Variants in PCP4 observed in about 807,000 individuals in gnomAD.
PCP4 encodes the protein calmodulin regulator protein PCP4.
In PCP4, 8 loss-of-function variants were observed where a neutral mutation model predicts 10.0. The ratio of observed to expected loss-of-function variants is 0.80; its 90% confidence interval spans 0.47 to 1.45. The LOEUF (loss-of-function observed/expected upper bound fraction) is 1.45, where lower values mean the gene tolerates loss of function less well. PCP4 is among the 40% of genes most tolerant of loss of function. PCP4 has a pLI of 0.00. For missense variants in PCP4, 54 were observed against 74.4 expected (o/e 0.73, Z 1.01); for synonymous variants, 21 against 23.0 (o/e 0.91, Z 0.24).
At chr21:39,907,910 A>G (rs991663078) in intron 2 of PCP4, among the ~76,000 whole-genome samples, 1 of 152,238 alleles carries the variant, frequency 6.6e-6, no homozygotes, top group African/African-American at 2.4e-5. Flanking sequence ...CTGAGAAGCA[A>G]GAAATGCAGG....
chr21:39,904,901 A>G lies in PCP4; in HGVS notation c.61+6374A>G, dbSNP rs569613690. On this transcript the variant is annotated intron_variant, in intron 2 of 2. Coordinates refer to ENST00000328619, the MANE Select transcript of PCP4 (RefSeq NM_006198.3). ...CCAAGATGAGCCTCTTTGAAAAGGA[A>G]CAGAGACAACTTTGAGTATCCAGCT... Among the ~76,000 whole-genome samples the G allele has an allele frequency of 2.6e-5, 4 of 152,340 alleles. No homozygotes were observed. In the South Asian group the frequency reaches 8.3e-4, roughly 32 times the overall value.
rs928704783 is a variant in PCP4 at position 39,904,716 on chromosome 21, C to T, written c.61+6189C>T. On this transcript the variant is annotated intron_variant, in intron 2 of 2. Coordinates refer to ENST00000328619, the MANE Select transcript of PCP4 (RefSeq NM_006198.3). ...GAGTTTGAGGATGGATCATGGTACA[C>T]GGAAGACAGAGCAGCCTGCGATTCA... 3.9e-5 allele frequency among the ~76,000 whole-genome samples: 6 copies of T among 152,294 alleles called. No individual in the cohort carries two copies. In the East Asian group the frequency reaches 9.6e-4, roughly 24 times the overall value.
At chr21:39,867,954 C>T (rs931541596) in intron 1 of PCP4, among the ~76,000 whole-genome samples, 1 of 152,172 alleles carries the variant, frequency 6.6e-6, no homozygotes, top group Non-Finnish European at 1.5e-5. Context: ...GGTGGCATTT[C>T]ATGGCTCAGT....
In PCP4 at chr21:39,898,540, G is replaced by T. The variant is rs774719967; in HGVS notation, c.61+13G>T. ...TCTGGTGAAAATGGTAAGAGGACAT[G>T]AATAGTCCAAGTTCTTTCTCTTTTG... is the stretch of plus-strand genomic sequence containing the variant. On this transcript the variant is annotated intron_variant, in intron 2 of 2. Transcript: ENST00000328619. The T allele has an allele frequency of 1.6e-5, 26 of 1,609,658 alleles. No individual in the cohort carries two copies. The Middle Eastern group carries it at 1.6e-3, about 102-fold the overall frequency.
At chr21:39,890,292 C>A (rs528260045) in intron 1 of PCP4, among the ~76,000 whole-genome samples, 6 of 152,150 alleles carry the variant, frequency 3.9e-5, no homozygotes, top group African/African-American at 1.4e-4. Context: ...ACACTGAAGC[C>A]CAAGACAGAA....
chr21:39,877,354 A>G (rs1318897816), intron 1 of PCP4, among the ~76,000 whole-genome samples: 1 of 151,960 alleles, frequency 6.6e-6, no homozygotes, highest in Non-Finnish European at 1.5e-5. Context: ...CACACAGAGA[A>G]GCTGAGAAAT....
At chr21:39,867,585 A>C in intron 1 of PCP4, 75 bp downstream of exon 1, 1 of 1,384,562 alleles carries the variant, frequency 7.2e-7, no homozygotes, top group Non-Finnish European at 1.0e-6. Flanking sequence ...AGTCTCAGGA[A>C]ATGTGAGGGA....
rs1170437425 is a variant in PCP4 at position 39,906,156 on chromosome 21, G to A, written c.61+7629G>A. Among the ~76,000 whole-genome samples the A allele has an allele frequency of 6.6e-6, 1 of 152,218 alleles. No individual in the cohort carries two copies. The highest frequency in any genetic ancestry group is 2.4e-5 in the African/African-American group (1 of 41,458). ...CTGGTGAACTCAGGATTGTCCTAAG[G>A]TCACATAAATAAGAGGAGGAAAGTT... On this transcript the variant is annotated intron_variant, in intron 2 of 2. Transcript: ENST00000328619. The surrounding 1 kb of genome is among the most constrained non-coding windows in gnomAD (Gnocchi z 6.3).
At chr21:39,892,926 A>C (rs1315024232) in intron 1 of PCP4, among the ~76,000 whole-genome samples, 1 of 152,236 alleles carries the variant, frequency 6.6e-6, no homozygotes, top group African/African-American at 2.4e-5. Context: ...TAAGGGAAAT[A>C]AGCCAGTTAC....
intron 2 of PCP4, among the ~76,000 whole-genome samples, chr21:39,914,982 C>T (rs1039496765): frequency 2.3e-4 from 35 of 152,066 alleles, no homozygotes; most frequent in African/African-American, 8.5e-4. Context: ...AACAAATAGA[C>T]CTAGTGCAGA....
intron 2 of PCP4, among the ~76,000 whole-genome samples, chr21:39,928,251 ATTGAT>A (rs1294233109): frequency 1.3e-5 from 2 of 152,064 alleles, no homozygotes; most frequent in Non-Finnish European, 2.9e-5. Flanking sequence ...GAAGAATTTT[ATTGAT>A]TTATTTGTTT....
chr21:39,875,428 G>T (rs557649422), intron 1 of PCP4, among the ~76,000 whole-genome samples: 2 of 152,252 alleles, frequency 1.3e-5, no homozygotes, highest in South Asian at 4.1e-4. Context: ...GTCCAAGACG[G>T]GCGATGGTGT....
chr21:39,875,097 C>T lies in PCP4; in HGVS notation c.9+7587C>T, dbSNP rs144961200. Among the ~76,000 whole-genome samples, 57 of 152,122 alleles carry T rather than the reference C, an allele frequency of 3.7e-4. 1 individual carries two copies. The East Asian group carries it at 0.01, about 27-fold the overall frequency. On this transcript the variant is annotated intron_variant, in intron 1 of 2. Coordinates refer to ENST00000328619, the MANE Select transcript of PCP4 (RefSeq NM_006198.3). ...TAACTCAAACCTCAGAAAGTGAAAC[C>T]AAGGAAGGTTAAGGGGGAACTACTG...
intron 2 of PCP4, among the ~76,000 whole-genome samples, chr21:39,923,076 G>A (rs2087604254): frequency 6.6e-6 from 1 of 152,238 alleles, no homozygotes; most frequent in South Asian, 2.1e-4. Context: ...TGTCTATGCA[G>A]AGTGGGAAAA....
chr21:39,892,154 C>G (rs141122682), intron 1 of PCP4, among the ~76,000 whole-genome samples: 1 of 152,186 alleles, frequency 6.6e-6, no homozygotes, highest in Non-Finnish European at 1.5e-5. Flanking sequence ...GGCCCCTATG[C>G]GGGCGTGACA....
At chr21:39,927,319 T>TATCC (rs1197802783) in intron 2 of PCP4, among the ~76,000 whole-genome samples, 1 of 108,380 alleles carries the variant, frequency 9.2e-6, no homozygotes, top group African/African-American at 3.1e-5. Context: ...TCTATCTATC[T>TATCC]ATCATCTATC....
chr21:39,881,368 C>T (rs16998800), intron 1 of PCP4, among the ~76,000 whole-genome samples: 5,298 of 152,252 alleles, frequency 0.035, 311 homozygotes, highest in African/African-American at 0.12. Context: ...CATTTCATTA[C>T]AACAGGTCAT....
intron 2 of PCP4, among the ~76,000 whole-genome samples, chr21:39,913,027 C>A (rs1228098487): frequency 2.0e-5 from 3 of 152,148 alleles, no homozygotes; most frequent in Non-Finnish European, 4.4e-5. Context: ...CTTAGTTAAT[C>A]TTTTTGAGTC....
chr21:39,877,174 A>G (rs556086989), intron 1 of PCP4, among the ~76,000 whole-genome samples: 1 of 152,198 alleles, frequency 6.6e-6, no homozygotes, highest in Admixed American at 6.5e-5. Flanking sequence ...TAGGGTTTGC[A>G]CAAGTAATTT....
Sources: gnomAD v4.1 joint callset for allele counts (sites outside exome capture counted in the v4.1 genomes callset) on GRCh38, gnomAD v4.1.1 for gene constraint, Gnocchi (gnomAD v3.1) non-coding constraint, MANE v1.5 for transcripts, NCBI Gene and HGNC (gene_info 2026-07-23, HGNC 2026-07-21) for gene names.